The following SEMA6D variants were observed in gnomAD, a reference collection of about 807,000 sequenced individuals.
SEMA6D encodes the protein semaphorin-6D.
Under a neutral mutation model 106.6 loss-of-function variants are expected in SEMA6D, and 35 were observed. That is an observed-to-expected ratio of 0.33 (90% CI 0.25 to 0.44). The LOEUF is 0.44. SEMA6D is among the 20% of genes least tolerant of loss of function. The pLI is 1.00. For synonymous variants in SEMA6D, 499 were observed against 487.7 expected, an observed-to-expected ratio of 1.02 and a Z score of -0.31; for missense variants, 1,185 against 1,345.9, an observed-to-expected ratio of 0.88 and a Z score of 1.87.
chr15:47,619,747 C>G (rs1456050797), intron 4 of SEMA6D, among the ~76,000 whole-genome samples: 1 of 152,058 alleles, frequency 6.6e-6, no homozygotes, highest in Non-Finnish European at 1.5e-5. Context: ...GAATTTGAGG[C>G]ACCAAAATGA....
intron 4 of SEMA6D, among the ~76,000 whole-genome samples, chr15:47,637,222 C>T (rs2077405509): frequency 1.3e-5 from 2 of 152,186 alleles, no homozygotes; most frequent in Admixed American, 6.5e-5. Context: ...TCCAGGAGAC[C>T]TCAACTTATA....
intron 4 of SEMA6D, among the ~76,000 whole-genome samples, chr15:47,671,197 T>C (rs2078129619): frequency 6.6e-6 from 1 of 152,168 alleles, no homozygotes; most frequent in African/African-American, 2.4e-5. Flanking sequence ...ATATGATAGT[T>C]GTTCTAAGAT....
rs769837193 is a variant in SEMA6D at position 47,302,346 on chromosome 15, A to G, written c.-238-110047A>G. On this transcript the variant is annotated intron_variant, in intron 1 of 19. Coordinates refer to the SEMA6D transcript ENST00000558014. ...TCTCTTGCAAGTTTTGCAGTGACTA[A>G]TGCAAACTTTTCTTATACAATTTAG... 6.6e-5 allele frequency among the ~76,000 whole-genome samples: 10 copies of G among 152,230 alleles called. No individual in the cohort carries two copies. The South Asian group carries it at 8.3e-4, about 13-fold the overall frequency.
chr15:47,449,595 A>G (rs1212717985), intron 2 of SEMA6D, among the ~76,000 whole-genome samples: 1 of 152,026 alleles, frequency 6.6e-6, no homozygotes, highest in Non-Finnish European at 1.5e-5. Flanking sequence ...TGAATTATTT[A>G]TGAGAAAAAA....
chr15:47,338,261 T>C (rs116168741), intron 1 of SEMA6D, among the ~76,000 whole-genome samples: 2,491 of 152,302 alleles, frequency 0.016, 63 homozygotes, highest in African/African-American at 0.057. Context: ...AAACCCAATA[T>C]TAACACCTTG....
intron 2 of SEMA6D, among the ~76,000 whole-genome samples, chr15:47,468,909 C>T (rs903754826): frequency 5.3e-5 from 8 of 152,232 alleles, no homozygotes; most frequent in South Asian, 2.1e-4. Context: ...CCTCCTATTC[C>T]ACCCTGTCTA....
At chr15:47,561,822 A>G (rs772205858) in intron 3 of SEMA6D, among the ~76,000 whole-genome samples, 2 of 151,882 alleles carry the variant, frequency 1.3e-5, no homozygotes, top group Non-Finnish European at 2.9e-5. Flanking sequence ...ACAAAATTGC[A>G]TGAGAGAGGA....
intron 1 of SEMA6D, among the ~76,000 whole-genome samples, chr15:47,327,953 T>C (rs906315358): frequency 6.6e-6 from 1 of 152,238 alleles, no homozygotes; most frequent in Non-Finnish European, 1.5e-5. Flanking sequence ...ATGTTTGTTA[T>C]CATTATCTCC....
At chr15:47,276,628 T>C (rs1287572050) in intron 1 of SEMA6D, among the ~76,000 whole-genome samples, 1 of 152,154 alleles carries the variant, frequency 6.6e-6, no homozygotes, top group African/African-American at 2.4e-5. Context: ...GAAAAAAAGA[T>C]TCACTTCAAA....
chr15:47,669,412 C>T (rs1810541585), intron 4 of SEMA6D, among the ~76,000 whole-genome samples: 1 of 152,176 alleles, frequency 6.6e-6, no homozygotes, highest in Admixed American at 6.6e-5. Flanking sequence ...TAATGCCTGG[C>T]ATATGGTGTG....
chr15:47,569,242 T>C (rs533828160), intron 3 of SEMA6D, among the ~76,000 whole-genome samples: 1 of 152,292 alleles, frequency 6.6e-6, no homozygotes, highest in Admixed American at 6.5e-5. Context: ...TTAAATGTGA[T>C]TCTGATTCTA....
At chr15:47,707,306 A>G (rs1457746914) in intron 4 of SEMA6D, among the ~76,000 whole-genome samples, 1 of 146,958 alleles carries the variant, frequency 6.8e-6, no homozygotes, top group Middle Eastern at 3.3e-3. Context: ...TGGTTAAGTA[A>G]ATTGATTTGG....
At chr15:47,744,445 C>G (rs1188345952) in intron 1 of SEMA6D, among the ~76,000 whole-genome samples, 1 of 152,036 alleles carries the variant, frequency 6.6e-6, no homozygotes, top group Non-Finnish European at 1.5e-5. Context: ...ACAGCACATC[C>G]TACAATTTAA....
chr15:47,476,594 C>G (rs2043007209), intron 3 of SEMA6D, among the ~76,000 whole-genome samples: 1 of 152,080 alleles, frequency 6.6e-6, no homozygotes, highest in Non-Finnish European at 1.5e-5. Flanking sequence ...CATGCTCTAT[C>G]TCCTTCAATA....
At chr15:47,745,897 G>T (rs1384631001) in intron 1 of SEMA6D, among the ~76,000 whole-genome samples, 1 of 152,166 alleles carries the variant, frequency 6.6e-6, no homozygotes, top group Non-Finnish European at 1.5e-5. Flanking sequence ...CTCACAGGAA[G>T]TTGTAATAAT....
intron 2 of SEMA6D, among the ~76,000 whole-genome samples, chr15:47,464,295 G>A (rs1397824074): frequency 6.6e-6 from 1 of 152,062 alleles, no homozygotes; most frequent in Non-Finnish European, 1.5e-5. Flanking sequence ...AGTATGTGTT[G>A]CAGGATCATG....
intron 1 of SEMA6D, among the ~76,000 whole-genome samples, chr15:47,393,025 C>T (rs1486795378): frequency 6.6e-6 from 1 of 152,220 alleles, no homozygotes; most frequent in African/African-American, 2.4e-5. Flanking sequence ...CTTCAGTTGG[C>T]CTCTACAAAT....
chr15:47,556,568 A>G (rs1344166683), intron 3 of SEMA6D, among the ~76,000 whole-genome samples: 1 of 151,878 alleles, frequency 6.6e-6, no homozygotes, highest in Admixed American at 6.6e-5. Flanking sequence ...ATTTTTTTCT[A>G]TTTTTTTATT....
At chr15:47,287,749 C>T (rs1947421390) in intron 1 of SEMA6D, among the ~76,000 whole-genome samples, 1 of 152,178 alleles carries the variant, frequency 6.6e-6, no homozygotes, top group Non-Finnish European at 1.5e-5. Flanking sequence ...TTCACATTCA[C>T]TTCATTCTGT....
Sources: gnomAD v4.1 joint callset for allele counts (sites outside exome capture counted in the v4.1 genomes callset) on GRCh38, gnomAD v4.1.1 for gene constraint, MANE v1.5 for transcripts, NCBI Gene and HGNC (gene_info 2026-07-23, HGNC 2026-07-21) for gene names.